The following STEAP3 variants were observed in gnomAD, a reference collection of about 807,000 sequenced individuals.
The protein encoded by STEAP3 is metalloreductase STEAP3.
In STEAP3, 35 loss-of-function variants were observed where a neutral mutation model predicts 34.9. The observed-to-expected ratio is 1.00, with a 90% CI of 0.76 to 1.33. The LOEUF (loss-of-function observed/expected upper bound fraction) is 1.33, where lower values mean the gene tolerates loss of function less well. Ranked by LOEUF, STEAP3 falls within the 40% of genes most tolerant of loss-of-function variation. STEAP3 has a pLI of 0.00. For synonymous variants in STEAP3, 281 were observed against 301.6 expected (o/e 0.93, Z 0.71); for missense variants, 652 against 667.6 (o/e 0.98, Z 0.26).
Position 119,229,182 on chromosome 2 carries a change from A to G in STEAP3, c.-393-1438A>G, listed in dbSNP as rs533143532. Among the ~76,000 whole-genome samples, 392 of 152,288 alleles carry G rather than the reference A, an allele frequency of 2.6e-3. 1 individual carries two copies. Among genetic ancestry groups the G allele is most frequent in the Non-Finnish European group, 4.2e-3 (287 of 68,016 alleles). ...ACACCTGCTGGCTCAACAGGTGTCC[A>G]CCTAGGCTGGAGTACAGTGGTGCCA... On this transcript the variant is annotated intron_variant, in intron 1 of 5. Transcript: ENST00000393110.
chr2:119,238,486 C>T (rs553828578), intron 2 of STEAP3, among the ~76,000 whole-genome samples: 46 of 152,200 alleles, frequency 3.0e-4, no homozygotes, highest in Middle Eastern at 3.4e-3. Context: ...GGTTGTTTGT[C>T]TTTTTAATAC....
At position 119,263,110 on chromosome 2, in the gene STEAP3, C is replaced by T. The variant is rs148332588; in HGVS notation, c.1269C>T (p.Tyr423=). ...LVLSTLHTLT[Y]GWTRAFEESR... Reference sequence around the variant, plus strand: ...TGAGCACACTGCACACGCTCACCTACGGCTGGACCCGCGCCTTCGAGGAGA... The same window carrying T: ...TGAGCACACTGCACACGCTCACCTATGGCTGGACCCGCGCCTTCGAGGAGA... Residue 423 remains tyrosine, a synonymous_variant, in exon 6 of 6, where the codon TAC becomes TAT. Coordinates refer to ENST00000393110, the MANE Select transcript of STEAP3 (RefSeq NM_182915.3). The T allele has an allele frequency of 1.1e-4, 173 of 1,612,106 alleles. No homozygotes were observed. The highest frequency in any genetic ancestry group is 2.2e-4 in the Admixed American group (13 of 60,014).
rs115782689 is a variant in STEAP3 at position 119,231,156 on chromosome 2, C to T, written c.22+122C>T. 3,515 of 1,298,380 alleles carry T rather than the reference C, an allele frequency of 2.7e-3. 66 individuals carry two copies. The African/African-American group carries it at 0.044, about 16-fold the overall frequency. 80.4% of individuals were successfully genotyped at this position (1,298,380 alleles called of 1,614,324 possible). ...GTGCCCCTTGAATCTCCAGGAGGTC[C>T]GAGGAACTCGACACCTCCCAGAGAT... On this transcript the variant is annotated intron_variant, in intron 2 of 5. Coordinates refer to ENST00000393110, the MANE Select transcript of STEAP3 (RefSeq NM_182915.3).
In STEAP3 at chr2:119,248,017, G is replaced by A. The variant is rs750602163; in HGVS notation, c.861G>A (p.Ala287=). 22 of 1,610,540 alleles carry A rather than the reference G, an allele frequency of 1.4e-5. No individual in the cohort carries two copies. The highest frequency in any genetic ancestry group is 1.6e-4 in the Middle Eastern group (1 of 6,082). Reference sequence around the variant, plus strand: ...TCGTGTACTTGCCCGGCGTGCTGGCGGCTGCCCTGCAGCTGCGGCGCGGCA... The same window carrying A: ...TCGTGTACTTGCCCGGCGTGCTGGCAGCTGCCCTGCAGCTGCGGCGCGGCA... ...LSLVYLPGVL[A]AALQLRRGTK... is the part of the protein sequence containing the mutation. Residue 287 remains alanine (A), a synonymous_variant, in exon 4 of 6, where the codon GCG becomes GCA. Coordinates refer to ENST00000393110, the MANE Select transcript of STEAP3 (RefSeq NM_182915.3).
rs761667756 is a variant in STEAP3, at chr2:119,257,339, T to C, written c.1215+2491T>C. 3.8e-6 allele frequency: 5 copies of C among 1,303,166 alleles called. No homozygotes were observed. In the African/African-American group the frequency reaches 7.7e-5, roughly 20 times the overall value. The allele number at this position is 1,303,166 out of a possible 1,614,324, so 80.7% of individuals were successfully genotyped here. A position where few individuals can be genotyped will look rare whatever the true frequency, so the allele number is the denominator to read the frequency against. On this transcript the variant is annotated intron_variant, in intron 5 of 5. Coordinates refer to ENST00000393110, the MANE Select transcript of STEAP3 (RefSeq NM_182915.3). Reference sequence around the variant, plus strand: ...CAAATAGGCTGAAGCCAGAGCCCTCTTGGAGAAACAGAGATAACCCAGGCC... The same window carrying C: ...CAAATAGGCTGAAGCCAGAGCCCTCCTGGAGAAACAGAGATAACCCAGGCC...
At chr2:119,242,352 T>G (rs931963364) in intron 2 of STEAP3, among the ~76,000 whole-genome samples, 1 of 152,208 alleles carries the variant, frequency 6.6e-6, no homozygotes, top group South Asian at 2.1e-4. Flanking sequence ...GGGACAGGCC[T>G]GGGTGTATCT....
chr2:119,254,239 T>C (rs1677709090), intron 4 of STEAP3, among the ~76,000 whole-genome samples: 1 of 152,018 alleles, frequency 6.6e-6, no homozygotes. Context: ...TGTCCTGGGA[T>C]TCTGGGGCCG....
intron 1 of STEAP3, among the ~76,000 whole-genome samples, chr2:119,228,809 G>A (rs1169103510): frequency 1.3e-5 from 2 of 152,072 alleles, no homozygotes; most frequent in African/African-American, 4.8e-5. Context: ...GAGAGGAGGA[G>A]AAGTCTCAAG....
At chr2:119,242,091 GC>G (rs1222765677) in intron 2 of STEAP3, among the ~76,000 whole-genome samples, 1 of 152,164 alleles carries the variant, frequency 6.6e-6, no homozygotes, top group Non-Finnish European at 1.5e-5. Flanking sequence ...TAGATTGTAA[GC>G]CCTCAGGGTG....
intron 1 of STEAP3, among the ~76,000 whole-genome samples, chr2:119,224,255 G>A (rs986646950): frequency 6.6e-6 from 1 of 152,222 alleles, no homozygotes; most frequent in African/African-American, 2.4e-5. Flanking sequence ...TGGGGCTCTG[G>A]CCAGCGGTCC....
chr2:119,251,088 T>C (rs577696790), intron 4 of STEAP3, among the ~76,000 whole-genome samples: 2 of 152,296 alleles, frequency 1.3e-5, no homozygotes, highest in African/African-American at 4.8e-5. Flanking sequence ...GGATGGTCCA[T>C]GGTAAGCCAT....
At chr2:119,250,288 G>C (rs1677582400) in intron 4 of STEAP3, among the ~76,000 whole-genome samples, 1 of 152,234 alleles carries the variant, frequency 6.6e-6, no homozygotes, top group South Asian at 2.1e-4. Context: ...CCTCGCCTCA[G>C]CTGGTGTGGG....
intron 2 of STEAP3, among the ~76,000 whole-genome samples, chr2:119,242,735 GA>G (rs1391560002): frequency 6.6e-6 from 1 of 152,218 alleles, no homozygotes; most frequent in Non-Finnish European, 1.5e-5. Flanking sequence ...GCCCATAAGG[GA>G]AGTGCTGCCA....
intron 2 of STEAP3, among the ~76,000 whole-genome samples, chr2:119,239,732 C>A (rs1217976889): frequency 1.3e-5 from 2 of 152,180 alleles, no homozygotes; most frequent in Admixed American, 6.5e-5. Flanking sequence ...GAAGTCAGTA[C>A]CCTTGTCAGG....
chr2:119,224,140 C>G (rs986148852), intron 1 of STEAP3, among the ~76,000 whole-genome samples: 1 of 152,220 alleles, frequency 6.6e-6, no homozygotes, highest in Non-Finnish European at 1.5e-5. Context: ...TAGGCAGGGC[C>G]GGCGGCGACA....
chr2:119,262,664 C>T (rs72954945), intron 5 of STEAP3, among the ~76,000 whole-genome samples: 9,588 of 152,270 alleles, frequency 0.063, 732 homozygotes, highest in African/African-American at 0.18. Context: ...AGGCGAGAGC[C>T]ACCGCAGCAG....
intron 5 of STEAP3, among the ~76,000 whole-genome samples, chr2:119,255,423 G>A (rs1172594061): frequency 6.6e-6 from 1 of 152,102 alleles, no homozygotes; most frequent in African/African-American, 2.4e-5. Context: ...TCCAGAAAAA[G>A]GAGGTCTGTC....
intron 4 of STEAP3, chr2:119,248,522 C>T (rs1677522793): frequency 9.5e-6 from 3 of 317,296 alleles, no homozygotes; most frequent in South Asian, 7.1e-5. Flanking sequence ...CAAGCGTGGG[C>T]GGTGGGGGTG....
At chr2:119,239,524 T>TG (rs1260665626) in intron 2 of STEAP3, 1 of 152,344 alleles carries the variant, frequency 6.6e-6, no homozygotes, top group Non-Finnish European at 1.5e-5. Flanking sequence ...TGCTGAGCCC[T>TG]GGTGCTGGCT....
Sources: gnomAD v4.1 joint callset for allele counts (sites outside exome capture counted in the v4.1 genomes callset) on GRCh38, gnomAD v4.1.1 for gene constraint, MANE v1.5 for transcripts, NCBI Gene and HGNC (gene_info 2026-07-23, HGNC 2026-07-21) for gene names.